The following TBC1D8 variants were observed in gnomAD, a reference collection of about 807,000 sequenced individuals.
TBC1D8 encodes the protein TBC1 domain family member 8, also known as BUB2-like protein 1.
Under a neutral mutation model 118.8 loss-of-function variants are expected in TBC1D8, and 65 were observed. The ratio of observed to expected loss-of-function variants is 0.55; its 90% CI spans 0.45 to 0.67. The LOEUF is 0.67. TBC1D8 is among the 30% of genes least tolerant of loss of function. The probability of loss-of-function intolerance (pLI) is 0.00; values close to 1 mark genes in which losing one functional copy is unlikely to be tolerated. For missense variants in TBC1D8, 1,376 were observed against 1,471.2 expected (o/e 0.94, Z 1.06); for synonymous variants, 566 against 595.8 (o/e 0.95, Z 0.73).
intron 2 of TBC1D8, among the ~76,000 whole-genome samples, chr2:101,063,141 G>A (rs901681657): frequency 6.6e-6 from 1 of 152,108 alleles, no homozygotes; most frequent in Non-Finnish European, 1.5e-5. Context: ...GGCTAACACC[G>A]TTAACTGATA....
At chr2:101,087,311 A>C (rs1675702640) in intron 2 of TBC1D8, among the ~76,000 whole-genome samples, 1 of 152,054 alleles carries the variant, frequency 6.6e-6, no homozygotes, top group Admixed American at 6.6e-5. Flanking sequence ...GGAGGGAAAA[A>C]AACAGGAGTC....
At chr2:101,051,806 A>G (rs997434604) in intron 4 of TBC1D8, among the ~76,000 whole-genome samples, 2 of 152,244 alleles carry the variant, frequency 1.3e-5, no homozygotes, top group Admixed American at 6.5e-5. Flanking sequence ...AAGTCAAAAA[A>G]TAACAGATGC....
chr2:101,036,197 A>C, intron 8 of TBC1D8, 29 bp from the exon 9 acceptor site: 1 of 1,607,238 alleles, frequency 6.2e-7, no homozygotes, highest in Non-Finnish European at 8.5e-7. Context: ...TTAATGTACA[A>C]AGAAGTCTGT....
chr2:101,066,453 A>G (rs1297551048), intron 2 of TBC1D8, among the ~76,000 whole-genome samples: 2 of 152,172 alleles, frequency 1.3e-5, no homozygotes, highest in Non-Finnish European at 2.9e-5. Flanking sequence ...AATATGGGGG[A>G]AAAATCAATT....
Position 101,131,728 on chromosome 2 carries a change from T to C in TBC1D8, c.127+19399A>G, listed in dbSNP as rs181930856. ...TACTCGGGAGGCTAAGGCAGGAGAA[T>C]GACGTGAACCCAGGAGGAGGAGCTT... On this transcript the variant is annotated intron_variant, in intron 1 of 19. Coordinates refer to ENST00000409318, the MANE Select transcript of TBC1D8 (RefSeq NM_001330348.2). 1.4e-4 allele frequency among the ~76,000 whole-genome samples: 21 copies of C among 151,910 alleles called. No homozygotes were observed. In the East Asian group the frequency reaches 3.9e-3, roughly 28 times the overall value.
intron 17 of TBC1D8, 108 bp from the exon 18 acceptor site, chr2:101,011,648 T>C: frequency 8.7e-7 from 1 of 1,153,704 alleles, no homozygotes; most frequent in South Asian, 1.3e-5. Flanking sequence ...GCTCCCAGCC[T>C]GTGGACTGTA....
At chr2:101,047,781 C>T (rs934506929) in intron 5 of TBC1D8, among the ~76,000 whole-genome samples, 1 of 152,166 alleles carries the variant, frequency 6.6e-6, no homozygotes, top group Non-Finnish European at 1.5e-5. Flanking sequence ...TCTGATAATT[C>T]CCAGGGTAGA....
intron 1 of TBC1D8, among the ~76,000 whole-genome samples, chr2:101,140,529 C>G (rs1381328192): frequency 6.6e-6 from 1 of 152,014 alleles, no homozygotes; most frequent in Non-Finnish European, 1.5e-5. Context: ...GAGCTGCCCA[C>G]CAGAAAAAAT....
At chr2:101,057,548 G>A (rs1682508748) in intron 3 of TBC1D8, among the ~76,000 whole-genome samples, 1 of 152,226 alleles carries the variant, frequency 6.6e-6, no homozygotes, top group South Asian at 2.1e-4. Context: ...CTGTTTGGCT[G>A]GGCGTGGTGG....
At chr2:101,102,013 T>A (rs1208373254) in intron 1 of TBC1D8, among the ~76,000 whole-genome samples, 1 of 149,004 alleles carries the variant, frequency 6.7e-6, no homozygotes, top group Non-Finnish European at 1.5e-5. Context: ...TCCTGTTTTG[T>A]TGGTTTTTTT....
chr2:101,022,154 G>A (rs2105376630), intron 16 of TBC1D8, 127 bp downstream of exon 16: 1 of 1,458,586 alleles, frequency 6.9e-7, no homozygotes, highest in Non-Finnish European at 9.2e-7. Context: ...AAAATCATAA[G>A]TTCATGTCAG....
chr2:101,074,716 G>C (rs936569580), intron 2 of TBC1D8, among the ~76,000 whole-genome samples: 10 of 152,302 alleles, frequency 6.6e-5, no homozygotes, highest in East Asian at 1.9e-4. Flanking sequence ...AACATTGTTA[G>C]AAATCAAGAT....
chr2:101,059,404 A>G lies in TBC1D8; in HGVS notation c.402+17T>C, dbSNP rs772928976. ...AGATGGAAAGATGGGGAGAAACATG[A>G]AACTCAGGGGACCTACCTTTACCTT... On this transcript the variant is annotated intron_variant, in intron 3 of 19. Coordinates refer to ENST00000409318, the MANE Select transcript of TBC1D8 (RefSeq NM_001330348.2). 2.5e-6 allele frequency: 4 copies of G among 1,576,842 alleles called. No homozygotes were observed. Among genetic ancestry groups the G allele is most frequent in the Non-Finnish European group, 3.5e-6 (4 of 1,146,454 alleles).
Position 101,014,228 on chromosome 2 carries a change from A to G in TBC1D8, c.2828-2688T>C, listed in dbSNP as rs550063691. Among the ~76,000 whole-genome samples, 37 of 151,424 alleles carry G rather than the reference A, an allele frequency of 2.4e-4. No individual in the cohort carries two copies. The East Asian group carries it at 3.3e-3, about 14-fold the overall frequency. ...TTTTTTTCAAGGAAGTTTATATTCT[A>G]TGTTTCCATATTTTTCAAAATCTTC... On this transcript the variant is annotated intron_variant, in intron 17 of 19. Transcript: ENST00000409318.
intron 3 of TBC1D8, among the ~76,000 whole-genome samples, chr2:101,055,478 G>A (rs980362393): frequency 4.6e-5 from 7 of 152,108 alleles, no homozygotes; most frequent in African/African-American, 1.7e-4. Flanking sequence ...GCCTGACTGT[G>A]TGGCTCACTT....
intron 1 of TBC1D8, among the ~76,000 whole-genome samples, chr2:101,136,178 T>TA (rs1420936621): frequency 6.6e-6 from 1 of 152,032 alleles, no homozygotes; most frequent in Non-Finnish European, 1.5e-5. Flanking sequence ...TCTCCAGTGT[T>TA]AGAGGTGGAG....
At chr2:101,118,154 G>T (rs535250761) in intron 1 of TBC1D8, among the ~76,000 whole-genome samples, 2 of 152,082 alleles carry the variant, frequency 1.3e-5, no homozygotes, top group African/African-American at 4.8e-5. Context: ...CAGCCAGACC[G>T]CCATGTACCC....
intron 17 of TBC1D8, 132 bp downstream of exon 17, chr2:101,021,549 C>G: frequency 1.5e-6 from 1 of 652,508 alleles, no homozygotes; most frequent in South Asian, 2.0e-5. Context: ...TGACCTGAAA[C>G]CCCAAGCCAG....
At chr2:101,076,899 A>C (rs1442950158) in intron 2 of TBC1D8, among the ~76,000 whole-genome samples, 3 of 152,248 alleles carry the variant, frequency 2.0e-5, no homozygotes, top group African/African-American at 7.2e-5. Flanking sequence ...GTTCTGCAGA[A>C]GCATGGCAAC....
Sources: gnomAD v4.1 joint callset for allele counts (sites outside exome capture counted in the v4.1 genomes callset) on GRCh38, gnomAD v4.1.1 for gene constraint, MANE v1.5 for transcripts, NCBI Gene and HGNC (gene_info 2026-07-23, HGNC 2026-07-21) for gene names.